Variants in GLI3 observed in about 807,000 individuals in gnomAD.
GLI3 encodes the protein transcription activator GLI3.
A neutral mutation model predicts 100.8 loss-of-function variants in GLI3; 20 were observed. That is an observed-to-expected ratio of 0.20 (90% CI 0.14 to 0.29). The LOEUF is 0.29. Ranked by LOEUF, GLI3 falls within the 10% of genes least tolerant of loss-of-function variation. GLI3 has a pLI of 1.00. For synonymous variants in GLI3, 938 were observed against 860.5 expected, an observed-to-expected ratio of 1.09 and a Z score of -1.58; for missense variants, 2,040 against 2,128.5, an observed-to-expected ratio of 0.96 and a Z score of 0.82.
At chr7:42,010,196 C>T (rs759000863) in intron 10 of GLI3, among the ~76,000 whole-genome samples, 3 of 152,200 alleles carry the variant, frequency 2.0e-5, no homozygotes, top group Admixed American at 6.5e-5. Flanking sequence ...TGCTCCTGGG[C>T]ACCTGCTCCT....
At chr7:42,044,904 G>T (rs1255771041) in intron 6 of GLI3, among the ~76,000 whole-genome samples, 1 of 151,746 alleles carries the variant, frequency 6.6e-6, no homozygotes, top group African/African-American at 2.4e-5. Context: ...TTTTGGTTTG[G>T]GGAGACAGGG....
chr7:42,149,048 G>C (rs1786792479), intron 2 of GLI3, among the ~76,000 whole-genome samples: 1 of 152,176 alleles, frequency 6.6e-6, no homozygotes. Context: ...CAAGAGATTT[G>C]ACAGAGCCAA....
At chr7:42,152,904 G>A (rs559361455) in intron 2 of GLI3, among the ~76,000 whole-genome samples, 20 of 152,274 alleles carry the variant, frequency 1.3e-4, no homozygotes, top group African/African-American at 4.3e-4. Flanking sequence ...CAGAATTTGC[G>A]AGTGCACAGC....
rs946022697 is a variant in GLI3, at chr7:42,026,207, A to G, written c.1234T>C (p.Ser412Pro). Reference protein sequence around the residue: ...PVQVSSGPSESSQNKPTSESA... With the variant: ...PVQVSSGPSEPSQNKPTSESA... ...CGACCTGTCCCTCTCACCTGTGAGGACTCAGAAGGGCCGGAGCTGACCTGG... is the reference window on the plus strand; with the variant it reads ...CGACCTGTCCCTCTCACCTGTGAGGGCTCAGAAGGGCCGGAGCTGACCTGG... The change falls in exon 8 of 15, where the codon TCC (serine) becomes CCC (proline). Residue 412 changes from serine (S) to proline (P), a missense_variant. This residue lies in a region of GLI3 where 603 missense variants were observed against 690.9 expected (regional missense o/e 0.87). Transcript: ENST00000395925. 4 of 1,611,544 alleles carry G rather than the reference A, an allele frequency of 2.5e-6. No homozygotes were observed. The highest frequency in any genetic ancestry group is 3.4e-6 in the Non-Finnish European group (4 of 1,178,528).
At chr7:42,046,934 T>A (rs1784257755) in intron 5 of GLI3, among the ~76,000 whole-genome samples, 1 of 152,156 alleles carries the variant, frequency 6.6e-6, no homozygotes, top group East Asian at 1.9e-4. Context: ...GGTGGGTAGA[T>A]CGCTTGAGCT....
chr7:42,104,816 C>G (rs760731732), intron 3 of GLI3, among the ~76,000 whole-genome samples: 4 of 152,132 alleles, frequency 2.6e-5, no homozygotes, highest in Non-Finnish European at 5.9e-5. Context: ...ATTGGCCGTT[C>G]CACCACGTGA....
At chr7:42,101,993 T>C (rs868301737) in intron 3 of GLI3, among the ~76,000 whole-genome samples, 202 of 151,782 alleles carry the variant, frequency 1.3e-3, no homozygotes, top group African/African-American at 4.5e-3. Context: ...ATTTCATCCA[T>C]GTCCCTACAA....
chr7:42,223,070 A>G (rs1024380659), intron 2 of GLI3, 60 bp downstream of exon 2: 1 of 1,599,354 alleles, frequency 6.3e-7, no homozygotes, highest in African/African-American at 1.3e-5. Context: ...ATTCACAAGG[A>G]ATGCAGAGAA....
intron 3 of GLI3, among the ~76,000 whole-genome samples, chr7:42,125,686 G>C (rs1312601349): frequency 6.6e-6 from 1 of 152,154 alleles, no homozygotes; most frequent in East Asian, 1.9e-4. Flanking sequence ...CCAGCCATTT[G>C]AGAGCAAAGA....
intron 1 of GLI3, among the ~76,000 whole-genome samples, chr7:42,247,811 A>T (rs535458750): frequency 1.3e-5 from 2 of 152,198 alleles, no homozygotes. Context: ...CTCCTTGTAC[A>T]AGGAGTTTCT....
At position 41,966,561 on chromosome 7, in the gene GLI3, C is replaced by T; in HGVS notation, c.2512G>A (p.Val838Ile). 6.2e-7 allele frequency: 1 copy of T among 1,614,046 alleles called. No homozygotes were observed. The change falls in exon 15 of 15, where the codon GTC becomes ATC. Residue 838 changes from valine (V) to isoleucine (I), a missense_variant. Coordinates refer to ENST00000395925, the MANE Select transcript of GLI3 (RefSeq NM_000168.6). This position sits in a 1 kb window ranked among gnomAD's most constrained non-coding sequence, Gnocchi z 5.8. ...CTGTTGAGCATGTTCAGCATAGTGA[C>T]GTCCACCCCAGAGAGGTCGCTTCTG... is the stretch of plus-strand genomic sequence containing the variant. Reference protein sequence around the residue: ...PGRSDLSGVDVTMLNMLNRRD... With the variant: ...PGRSDLSGVDITMLNMLNRRD...
intron 2 of GLI3, among the ~76,000 whole-genome samples, chr7:42,217,767 A>G (rs1336595053): frequency 2.0e-5 from 3 of 152,210 alleles, no homozygotes. Context: ...CAGCAAATTC[A>G]CCATTACTTT....
At chr7:42,056,131 T>A (rs1784455877) in intron 4 of GLI3, among the ~76,000 whole-genome samples, 1 of 152,214 alleles carries the variant, frequency 6.6e-6, no homozygotes. Context: ...GTAAGTCCAT[T>A]AAACTTCTTT....
At chr7:42,262,275 T>C (rs13438667) in intron 1 of GLI3, among the ~76,000 whole-genome samples, 51,561 of 135,936 alleles carry the variant, frequency 0.38, 9,958 homozygotes, top group East Asian at 0.47. Flanking sequence ...CTTCCTTCTT[T>C]CTTTCATAGG....
intron 1 of GLI3, among the ~76,000 whole-genome samples, chr7:42,250,738 G>A (rs1300792688): frequency 1.3e-5 from 2 of 152,198 alleles, no homozygotes; most frequent in East Asian, 3.9e-4. Context: ...GGGCAGCTGG[G>A]TGGATTTGTA....
At chr7:42,235,262 G>A (rs183354695) in intron 1 of GLI3, among the ~76,000 whole-genome samples, 57 of 152,156 alleles carry the variant, frequency 3.7e-4, no homozygotes, top group African/African-American at 1.2e-3. Context: ...CAAAATTACC[G>A]AGCAATTACA....
At position 41,972,384 on chromosome 7, in the gene GLI3, G is replaced by A. The variant is rs138199980; in HGVS notation, c.2056C>T (p.Arg686Trp). 3.5e-5 allele frequency: 57 copies of A among 1,613,964 alleles called. 2 individuals are homozygous for A. The highest frequency in any genetic ancestry group is 2.7e-4 in the South Asian group (25 of 91,076). ...QQDLSNTTSK[R>W]EECLQVKTVK... ...GTTTTCACCTGGAGGCATTCTTCCC[G>A]CTTTGAGGTAGTGTTGCTGAGGTCC... Residue 686 changes from arginine (R) to tryptophan (W), a missense_variant, in exon 13 of 15, where the codon CGG becomes TGG. Around this residue, in one of 5 missense-constraint regions of GLI3, gnomAD observed 327 missense variants for 338.7 expected, o/e 0.97. Coordinates refer to ENST00000395925, the MANE Select transcript of GLI3 (RefSeq NM_000168.6). This position sits in a 1 kb window ranked among gnomAD's most constrained non-coding sequence, Gnocchi z 4.4.
chr7:42,113,266 TGAA>T (rs1166655763), intron 3 of GLI3: 6 of 529,374 alleles, frequency 1.1e-5, no homozygotes, highest in Non-Finnish European at 1.1e-5. Flanking sequence ...CGGAGCAGTG[TGAA>T]GAAGAAGAGG....
At chr7:42,064,399 G>A (rs142877417) in intron 4 of GLI3, among the ~76,000 whole-genome samples, 6 of 152,192 alleles carry the variant, frequency 3.9e-5, no homozygotes, top group African/African-American at 7.2e-5. Flanking sequence ...CAGAGATGAC[G>A]GAAAGTGCTC....
Sources: gnomAD v4.1 joint callset for allele counts (sites outside exome capture counted in the v4.1 genomes callset) on GRCh38, gnomAD v4.1.1 for gene constraint, gnomAD v4.1.1 regional missense constraint, Gnocchi (gnomAD v3.1) non-coding constraint, MANE v1.5 for transcripts, NCBI Gene and HGNC (gene_info 2026-07-23, HGNC 2026-07-21) for gene names.